The following BIRC6 variants were observed in gnomAD, a reference collection of about 807,000 sequenced individuals.
The protein encoded by BIRC6 is baculoviral IAP repeat containing 6.
BIRC6 carries 98 observed loss-of-function variants against 503.3 expected under a neutral mutation model. That is an observed-to-expected ratio of 0.19 (90% CI 0.17 to 0.23). The LOEUF is 0.23. BIRC6 is among the 10% of genes least tolerant of loss of function. BIRC6 has a pLI of 1.00. For synonymous variants in BIRC6, 2,240 were observed against 2,078.7 expected (o/e 1.08, Z -2.11); for missense variants, 5,360 against 5,806.0 (o/e 0.92, Z 2.50).
intron 1 of BIRC6, among the ~76,000 whole-genome samples, chr2:32,368,128 C>T (rs1376673490): frequency 6.6e-6 from 1 of 152,070 alleles, no homozygotes; most frequent in East Asian, 1.9e-4. Flanking sequence ...AAATACCTCG[C>T]TTGGGCCCCA....
At chr2:32,610,247 T>C (rs948064754) in intron 72 of BIRC6, among the ~76,000 whole-genome samples, 10 of 152,220 alleles carry the variant, frequency 6.6e-5, no homozygotes, top group African/African-American at 2.4e-4. Flanking sequence ...CCCTGGGCAA[T>C]GCTCAACCAG....
At chr2:32,512,850 A>T (rs2054584397) in intron 53 of BIRC6, 83 bp from the exon 54 acceptor site, 2 of 1,004,550 alleles carry the variant, frequency 2.0e-6, no homozygotes, top group Admixed American at 3.8e-5. Context: ...TACCCTACTC[A>T]CCATGCAGAG....
intron 51 of BIRC6, among the ~76,000 whole-genome samples, chr2:32,509,132 A>G (rs1054514181): frequency 2.5e-4 from 38 of 152,114 alleles, no homozygotes; most frequent in African/African-American, 8.2e-4. Flanking sequence ...TTAGAAGTCT[A>G]TGATAGTAAT....
chr2:32,485,512 G>A (rs2050892296), intron 39 of BIRC6, 131 bp from the exon 40 acceptor site: 1 of 588,474 alleles, frequency 1.7e-6, no homozygotes, highest in Non-Finnish European at 3.0e-6. Context: ...GATACTGCAT[G>A]TTAGGTGGCT....
rs529561634 is a variant in BIRC6, at chr2:32,541,667, G to GT, written c.12292-1573dup. Among the ~76,000 whole-genome samples the GT allele has an allele frequency of 1.4e-3, 207 of 152,218 alleles. 2 individuals are homozygous for GT. Among genetic ancestry groups the GT allele is most frequent in the Admixed American group, 0.012 (180 of 15,296 alleles). On this transcript the variant is annotated intron_variant, in intron 61 of 73. Coordinates refer to ENST00000421745, the MANE Select transcript of BIRC6 (RefSeq NM_016252.4). ...TGTTTGAGTGTGGAACTTCAAATTA[G>GT]TATTTAGTGAAGTGCATTATTCATG...
At chr2:32,466,802 T>G (rs752010366) in intron 26 of BIRC6, among the ~76,000 whole-genome samples, 9 of 152,042 alleles carry the variant, frequency 5.9e-5, no homozygotes, top group Non-Finnish European at 1.0e-4. Context: ...TTTTGTTTTG[T>G]TTTGGTTTTG....
At chr2:32,484,121 C>T (rs904160466) in intron 39 of BIRC6, among the ~76,000 whole-genome samples, 4 of 152,126 alleles carry the variant, frequency 2.6e-5, no homozygotes, top group African/African-American at 9.7e-5. Flanking sequence ...AAGCAGTCCG[C>T]CCTCCTCAGC....
At position 32,519,023 on chromosome 2, in the gene BIRC6, T is replaced by C. The variant is rs1572768093; in HGVS notation, c.11623+77T>C. 4 of 1,389,416 alleles carry C rather than the reference T, an allele frequency of 2.9e-6. No individual in the cohort carries two copies. The East Asian group carries it at 7.4e-5, about 26-fold the overall frequency. The allele number at this position is 1,389,416 out of a possible 1,614,324, so 86.1% of individuals were successfully genotyped here. ...TGGAGGTTTATTGTTTTTATAACTT[T>C]ATTTTCTGCATCCACTTTGCAACCA... On this transcript the variant is annotated intron_variant, in intron 57 of 73. Transcript: ENST00000421745.
intron 23 of BIRC6, among the ~76,000 whole-genome samples, chr2:32,454,687 A>T (rs187259042): frequency 3.9e-5 from 6 of 152,296 alleles, no homozygotes; most frequent in Non-Finnish European, 8.8e-5. Context: ...CAACAGTTTA[A>T]CAAAAAGCAA....
At chr2:32,383,724 G>T (rs1558580090) in intron 3 of BIRC6, among the ~76,000 whole-genome samples, 1 of 152,060 alleles carries the variant, frequency 6.6e-6, no homozygotes, top group African/African-American at 2.4e-5. Flanking sequence ...TAGAGACGGG[G>T]TTTCACTGTG....
intron 33 of BIRC6, among the ~76,000 whole-genome samples, chr2:32,474,391 A>G (rs1362997188): frequency 6.6e-6 from 1 of 152,226 alleles, no homozygotes; most frequent in African/African-American, 2.4e-5. Context: ...GCATTTAATT[A>G]GGATACAAAA....
intron 26 of BIRC6, among the ~76,000 whole-genome samples, chr2:32,466,249 A>G (rs1224312981): frequency 6.6e-6 from 1 of 152,194 alleles, no homozygotes; most frequent in Non-Finnish European, 1.5e-5. Flanking sequence ...ACCCACCCCA[A>G]AACAATAAGG....
rs1350885065 is a variant in BIRC6 at position 32,503,170 on chromosome 2, T to G, written c.9433T>G (p.Leu3145Val). 2 of 1,613,122 alleles carry G rather than the reference T, an allele frequency of 1.2e-6. No individual in the cohort carries two copies. Among genetic ancestry groups the G allele is most frequent in the South Asian group, 2.2e-5 (2 of 90,902 alleles). Residue 3145 changes from leucine to valine, a missense_variant, in exon 49 of 74, where the codon TTG becomes GTG. Physicochemically the swap from Leu to Val is conservative, Grantham distance 32. Coordinates refer to ENST00000421745, the MANE Select transcript of BIRC6 (RefSeq NM_016252.4). ...SGPNKAVDSTLKTRILASEPD... is the reference protein window; with the variant it reads ...SGPNKAVDSTVKTRILASEPD... ...TCCAAATAAAGCTGTTGACAGCACATTGAAAACAAGAATACTAGCTTCTGA... is the reference window on the plus strand; with the variant it reads ...TCCAAATAAAGCTGTTGACAGCACAGTGAAAACAAGAATACTAGCTTCTGA...
rs2050515865 is a variant in BIRC6 at position 32,482,467 on chromosome 2, T to C, written c.7581T>C (p.Asp2527=). ...SSTWYDYWGA[D]YGTYNYNPYI... ...CATGGTATGATTATTGGGGTGCTGA[T>C]TATGGGACCTACAATTACAACCCTT... The change falls in exon 39 of 74, where the codon GAT becomes GAC. Residue 2527 remains aspartate (D), a synonymous_variant. Transcript: ENST00000421745. 3 of 1,613,870 alleles carry C rather than the reference T, an allele frequency of 1.9e-6. No homozygotes were observed. The highest frequency in any genetic ancestry group is 2.5e-6 in the Non-Finnish European group (3 of 1,179,812).
intron 10 of BIRC6, among the ~76,000 whole-genome samples, chr2:32,425,939 A>G (rs1422062073): frequency 6.6e-6 from 1 of 152,218 alleles, no homozygotes; most frequent in African/African-American, 2.4e-5. Context: ...GTCAGGGCTG[A>G]GTATGGAGGG....
chr2:32,613,582 T>G (rs762480292), intron 73 of BIRC6, among the ~76,000 whole-genome samples: 12 of 152,030 alleles, frequency 7.9e-5, no homozygotes, highest in Admixed American at 2.0e-4. Context: ...GGTTTCACCA[T>G]GTTGGCCAGG....
chr2:32,396,272 G>A (rs192138097), intron 6 of BIRC6, among the ~76,000 whole-genome samples: 178 of 152,210 alleles, frequency 1.2e-3, no homozygotes, highest in African/African-American at 3.8e-3. Context: ...AACCTTTACA[G>A]TCACTCTATG....
At chr2:32,399,463 G>C (rs1293378269) in intron 6 of BIRC6, among the ~76,000 whole-genome samples, 1 of 152,176 alleles carries the variant, frequency 6.6e-6, no homozygotes, top group African/African-American at 2.4e-5. Flanking sequence ...TGTGATCATA[G>C]CTTACTGCAG....
intron 9 of BIRC6, among the ~76,000 whole-genome samples, chr2:32,408,538 T>C (rs1301634709): frequency 1.3e-5 from 2 of 152,240 alleles, no homozygotes; most frequent in Non-Finnish European, 2.9e-5. Flanking sequence ...GAACCTTTCC[T>C]TTGTGTGCTA....
Sources: allele counts gnomAD v4.1 joint callset (sites outside exome capture counted in the v4.1 genomes callset), GRCh38; gene constraint gnomAD v4.1.1; transcripts MANE v1.5; gene names NCBI Gene and HGNC (gene_info 2026-07-23, HGNC 2026-07-21).